Variants in BCL2L14 observed in about 807,000 individuals in gnomAD.
BCL2L14 encodes the protein apoptosis facilitator Bcl-2-like protein 14.
BCL2L14 carries 27 observed loss-of-function variants against 35.3 expected under a neutral mutation model. The observed-to-expected ratio is 0.76, with a 90% CI of 0.56 to 1.05. The LOEUF is 1.05. BCL2L14 is among the 50% of genes least tolerant of loss of function. The pLI, the probability that BCL2L14 is intolerant of heterozygous loss-of-function variation, is 0.00. For synonymous variants in BCL2L14, 139 were observed against 145.9 expected (o/e 0.95, Z 0.34); for missense variants, 377 against 382.6 (o/e 0.99, Z 0.12).
At position 12,061,461 on chromosome 12, in the gene BCL2L14, C is replaced by T. The variant is rs957249116; in HGVS notation, c.-272+9614C>T. Among the ~76,000 whole-genome samples, 470 of 151,680 alleles carry T rather than the reference C, an allele frequency of 3.1e-3. 4 individuals are homozygous for T. Among genetic ancestry groups the T allele is most frequent in the African/African-American group, 0.011 (446 of 41,342 alleles). ...TGGCCTTTTAAAGCCTATAAACTCT[C>T]CTTACAATTCCCCCATCTTACCTGT... On this transcript the variant is annotated intron_variant, in intron 2 of 3. Transcript: ENST00000461264.
At chr12:12,075,774 C>G (rs113415772) in intron 1 of BCL2L14, among the ~76,000 whole-genome samples, 1 of 152,026 alleles carries the variant, frequency 6.6e-6, no homozygotes, top group South Asian at 2.1e-4. Flanking sequence ...TCTGTCTTCA[C>G]CTTTTTTTGG....
Position 12,099,028 on chromosome 12 carries a change from T to C in BCL2L14, c.*40T>C. On this transcript the variant is annotated 3_prime_UTR_variant, in exon 6 of 6. Transcript: ENST00000308721. ...CATCAGGAATACTCTTTGTCTACTG[T>C]GGTCCTGTGCACGTTGGCCTCAGAT... 4.7e-6 allele frequency: 7 copies of C among 1,498,176 alleles called. No homozygotes were observed. Among genetic ancestry groups the C allele is most frequent in the Non-Finnish European group, 4.7e-6 (5 of 1,074,434 alleles). The allele number at this position is 1,498,176 out of a possible 1,614,324, so 92.8% of individuals were successfully genotyped here.
At chr12:12,070,522 C>A (rs760095735), upstream of BCL2L14, among the ~76,000 whole-genome samples, 1 of 151,984 alleles carries the variant, frequency 6.6e-6, no homozygotes. Context: ...ACTAAAAATA[C>A]AAAAATTAGC....
At position 12,098,993 on chromosome 12, in the gene BCL2L14, T is replaced by C. The variant is rs1415049300; in HGVS notation, c.*5T>C. On this transcript the variant is annotated 3_prime_UTR_variant, in exon 6 of 6. Coordinates refer to ENST00000308721, the MANE Select transcript of BCL2L14 (RefSeq NM_138723.2). ...TCACATGAAGAAGTAGACTGAAATATCAGATTTGTCATCAGGAATACTCTT... is the reference window on the plus strand; with the variant it reads ...TCACATGAAGAAGTAGACTGAAATACCAGATTTGTCATCAGGAATACTCTT... 2 of 1,596,610 alleles carry C rather than the reference T, an allele frequency of 1.3e-6. No individual in the cohort carries two copies. Among genetic ancestry groups the C allele is most frequent in the South Asian group, 1.1e-5 (1 of 90,684 alleles).
At chr12:12,090,758 A>G in intron 3 of BCL2L14, 21 bp from the exon 4 acceptor site, 2 of 1,603,728 alleles carry the variant, frequency 1.2e-6, no homozygotes, top group Non-Finnish European at 1.7e-6. Flanking sequence ...TAAAAGAAAT[A>G]ACTGGAATTT....
chr12:12,065,979 T>C (rs1245394648), upstream of BCL2L14, among the ~76,000 whole-genome samples: 1 of 151,988 alleles, frequency 6.6e-6, no homozygotes, highest in Non-Finnish European at 1.5e-5. Flanking sequence ...TTAGTAGAGA[T>C]GGGGTTTCGC....
At chr12:12,095,030 A>C (rs1949285892) in intron 5 of BCL2L14, 100 bp downstream of exon 5, 1 of 1,473,204 alleles carries the variant, frequency 6.8e-7, no homozygotes, top group Admixed American at 2.5e-5. Flanking sequence ...TCTATGAAGC[A>C]GTTCTCATGA....
chr12:12,064,802 A>G (rs994617778), intron 2 of BCL2L14, among the ~76,000 whole-genome samples: 1 of 152,196 alleles, frequency 6.6e-6, no homozygotes, highest in South Asian at 2.1e-4. Context: ...GAAATGACCT[A>G]TGTTTATCAG....
At chr12:12,063,437 C>T (rs562194756) in intron 2 of BCL2L14, among the ~76,000 whole-genome samples, 7 of 147,824 alleles carry the variant, frequency 4.7e-5, no homozygotes, top group Admixed American at 1.4e-4. Flanking sequence ...ATATCCAGGC[C>T]ATCACCAATA....
chr12:12,075,977 G>A (rs1464179907), intron 1 of BCL2L14, among the ~76,000 whole-genome samples: 1 of 151,658 alleles, frequency 6.6e-6, no homozygotes, highest in Non-Finnish European at 1.5e-5. Flanking sequence ...CATAATGGTT[G>A]TCTCACCTTT....
intron 3 of BCL2L14, among the ~76,000 whole-genome samples, chr12:12,089,028 G>C (rs1949110867): frequency 6.6e-6 from 1 of 152,206 alleles, no homozygotes; most frequent in East Asian, 1.9e-4. Context: ...CTTTCCCTAA[G>C]AGAGTGTTAA....
At chr12:12,082,373 C>G (rs1252409962) in intron 2 of BCL2L14, among the ~76,000 whole-genome samples, 1 of 152,200 alleles carries the variant, frequency 6.6e-6, no homozygotes, top group Non-Finnish European at 1.5e-5. Context: ...CTTCTTCTGC[C>G]GGGGGTGGCA....
chr12:12,066,683 C>A (rs1224404635), upstream of BCL2L14, among the ~76,000 whole-genome samples: 1 of 151,982 alleles, frequency 6.6e-6, no homozygotes, highest in Non-Finnish European at 1.5e-5. Flanking sequence ...TAACAGTAAG[C>A]ACTTGAAGAC....
chr12:12,052,783 C>G (rs1186534505), intron 2 of BCL2L14, among the ~76,000 whole-genome samples: 2 of 152,168 alleles, frequency 1.3e-5, no homozygotes, highest in South Asian at 4.1e-4. Context: ...TAGCTTCTGT[C>G]TGACCTTGAG....
At chr12:12,098,241 T>C (rs888656481) in intron 5 of BCL2L14, among the ~76,000 whole-genome samples, 7 of 152,170 alleles carry the variant, frequency 4.6e-5, no homozygotes, top group Non-Finnish European at 1.0e-4. Context: ...GCTGTCCTTG[T>C]AGTAGTGTGG....
At chr12:12,065,514 C>T (rs557756867) in intron 2 of BCL2L14, among the ~76,000 whole-genome samples, 6 of 136,582 alleles carry the variant, frequency 4.4e-5, no homozygotes, top group East Asian at 4.4e-4. Flanking sequence ...CCAGGCTGGG[C>T]GACAGAGTGA....
intron 2 of BCL2L14, among the ~76,000 whole-genome samples, chr12:12,083,189 C>T (rs905198771): frequency 3.9e-5 from 6 of 152,208 alleles, no homozygotes; most frequent in African/African-American, 1.4e-4. Flanking sequence ...TGGTCTCGAT[C>T]TCCTGGCCTC....
intron 1 of BCL2L14, among the ~76,000 whole-genome samples, chr12:12,050,626 T>C (rs1948338482): frequency 1.3e-5 from 2 of 150,860 alleles, no homozygotes; most frequent in Non-Finnish European, 3.0e-5. Flanking sequence ...GTGCGACCCG[T>C]AATTTGAGAA....
intron 3 of BCL2L14, among the ~76,000 whole-genome samples, chr12:12,087,654 C>T (rs1365637570): frequency 1.3e-5 from 2 of 152,220 alleles, no homozygotes; most frequent in Non-Finnish European, 2.9e-5. Flanking sequence ...ACACAAAGCC[C>T]GCATTCAGCC....
Sources: allele counts gnomAD v4.1 joint callset (sites outside exome capture counted in the v4.1 genomes callset), GRCh38; gene constraint gnomAD v4.1.1; transcripts MANE v1.5; gene names NCBI Gene and HGNC (gene_info 2026-07-23, HGNC 2026-07-21).